Variants in IGSF11 observed in about 807,000 individuals in gnomAD.
IGSF11 encodes CXADR like 1.
A neutral mutation model predicts 41.0 loss-of-function variants in IGSF11; 22 were observed. That is an observed-to-expected ratio of 0.54 (90% CI 0.38 to 0.77). The LOEUF (loss-of-function observed/expected upper bound fraction) is 0.77. Ranked by LOEUF, IGSF11 falls within the 30% of genes least tolerant of loss-of-function variation. The probability of loss-of-function intolerance (pLI) is 0.00; values close to 1 mark genes in which losing one functional copy is unlikely to be tolerated. For missense variants in IGSF11, 444 were observed against 530.8 expected (o/e 0.84, Z 1.61); for synonymous variants, 219 against 201.3 (o/e 1.09, Z -0.74).
intron 1 of IGSF11, among the ~76,000 whole-genome samples, chr3:118,999,047 C>A (rs79873299): frequency 6.6e-6 from 1 of 151,358 alleles, no homozygotes; most frequent in South Asian, 2.1e-4. Context: ...AATGGGGGTG[C>A]ACTGGGGAAT....
chr3:119,109,887 T>C (rs1210676291), upstream of IGSF11, among the ~76,000 whole-genome samples: 1 of 152,240 alleles, frequency 6.6e-6, no homozygotes, highest in Non-Finnish European at 1.5e-5. Flanking sequence ...AGTTTCCATG[T>C]AGTTGAGCGG....
chr3:119,061,183 C>A (rs950670197), intron 1 of IGSF11, among the ~76,000 whole-genome samples: 10 of 152,066 alleles, frequency 6.6e-5, no homozygotes, highest in Admixed American at 3.3e-4. Context: ...TTACCAAAAT[C>A]CACATATTAA....
At chr3:119,093,471 A>G (rs188354204) in intron 1 of IGSF11, among the ~76,000 whole-genome samples, 220 of 151,846 alleles carry the variant, frequency 1.4e-3, no homozygotes, top group African/African-American at 5.0e-3. Context: ...GGAAAAATTT[A>G]TGTCAGTAAA....
In IGSF11 at chr3:119,034,673, G is replaced by C. The variant is rs888734251; in HGVS notation, c.-91C>G. ...CGTGAGTCTCCGCGCTCTTGGGGCA[G>C]CCTGGTCCTCCCACACCCAGCGCCG... On this transcript the variant is annotated 5_prime_UTR_variant, in exon 1 of 7. Coordinates refer to ENST00000393775, the MANE Select transcript of IGSF11 (RefSeq NM_001015887.3). 1.9e-5 allele frequency: 27 copies of C among 1,440,456 alleles called. No individual in the cohort carries two copies. In the African/African-American group the frequency reaches 3.3e-4, roughly 18 times the overall value. The allele number at this position is 1,440,456 out of a possible 1,614,324, so 89.2% of individuals were successfully genotyped here.
chr3:119,065,701 G>C (rs747078991), intron 1 of IGSF11, among the ~76,000 whole-genome samples: 1 of 149,540 alleles, frequency 6.7e-6, no homozygotes, highest in African/African-American at 2.5e-5. Context: ...GCTGAAACAG[G>C]AGAATTGCTT....
intron 1 of IGSF11, among the ~76,000 whole-genome samples, chr3:118,960,518 T>C (rs1945271551): frequency 6.6e-6 from 1 of 152,184 alleles, no homozygotes; most frequent in African/African-American, 2.4e-5. Flanking sequence ...ATAATGCAAA[T>C]ATAGCTAATA....
intron 1 of IGSF11, among the ~76,000 whole-genome samples, chr3:119,064,442 G>A (rs116407888): frequency 1.3e-3 from 199 of 150,310 alleles, no homozygotes; most frequent in African/African-American, 3.7e-3. Flanking sequence ...CACACTGTAG[G>A]TTTTTAAGTC....
chr3:118,969,764 G>A (rs6795721), intron 1 of IGSF11, among the ~76,000 whole-genome samples: 4,420 of 152,206 alleles, frequency 0.029, 230 homozygotes, highest in African/African-American at 0.1. Context: ...CCTCATGGGC[G>A]CATCTAAATT....
intron 1 of IGSF11, among the ~76,000 whole-genome samples, chr3:118,937,438 A>C (rs1477230541): frequency 6.6e-6 from 1 of 152,218 alleles, no homozygotes; most frequent in Non-Finnish European, 1.5e-5. Flanking sequence ...TATTTTAACC[A>C]AATTTTAATT....
intron 2 of IGSF11, among the ~76,000 whole-genome samples, chr3:118,929,892 T>A (rs988102625): frequency 6.6e-6 from 1 of 152,218 alleles, no homozygotes; most frequent in Non-Finnish European, 1.5e-5. Flanking sequence ...TACATAAACC[T>A]CTCAGAAGGA....
intron 1 of IGSF11, among the ~76,000 whole-genome samples, chr3:119,094,223 T>TTAAAAAAAAAAAAAAAAAAA (rs1491294473): frequency 1.4e-4 from 5 of 35,066 alleles, no homozygotes; most frequent in Non-Finnish European, 2.3e-4. Context: ...CATAGCGAAG[T>TTAAAAAAAAAAAAAAAAAAA]AAAAAAAAAA....
chr3:119,112,979 A>C (rs759472169), intron 1 of IGSF11, among the ~76,000 whole-genome samples: 3 of 152,206 alleles, frequency 2.0e-5, no homozygotes, highest in African/African-American at 4.8e-5. Flanking sequence ...ACATGGCTAG[A>C]GAAGGAGGAA....
At chr3:118,916,851 T>C (rs9759213) in intron 4 of IGSF11, among the ~76,000 whole-genome samples, 58,532 of 150,348 alleles carry the variant, frequency 0.39, 14,807 homozygotes, top group African/African-American at 0.71. Flanking sequence ...GACCACATAG[T>C]TGGAAGTAAA....
Position 118,925,763 on chromosome 3 carries a change from C to T in IGSF11, c.580+338G>A, listed in dbSNP as rs373470905. 9.0e-4 allele frequency among the ~76,000 whole-genome samples: 137 copies of T among 152,248 alleles called. 2 individuals carry two copies. In the South Asian group the frequency reaches 0.027, roughly 30 times the overall value. ...GTTTCTCCTAGTAAAATAGGCAGCT[C>T]TACCTCAAGCAGGAAGTGTATTCTC... is the stretch of plus-strand genomic sequence containing the variant. On this transcript the variant is annotated intron_variant, in intron 4 of 6. Transcript: ENST00000393775.
chr3:118,939,305 G>A (rs1268220105), intron 1 of IGSF11, among the ~76,000 whole-genome samples: 1 of 152,038 alleles, frequency 6.6e-6, no homozygotes, highest in Middle Eastern at 3.2e-3. Flanking sequence ...GCCAGGTGTG[G>A]TGGCTCAAGC....
intron 4 of IGSF11, among the ~76,000 whole-genome samples, chr3:118,922,325 T>C (rs187866612): frequency 6.6e-6 from 1 of 152,274 alleles, no homozygotes; most frequent in African/African-American, 2.4e-5. Context: ...ATATTTATGG[T>C]ATATATTTTG....
At chr3:118,928,102 C>T (rs988359941) in intron 3 of IGSF11, among the ~76,000 whole-genome samples, 2 of 152,132 alleles carry the variant, frequency 1.3e-5, no homozygotes, top group African/African-American at 4.8e-5. Flanking sequence ...TGATCCTACT[C>T]GGTGTTACAC....
chr3:118,957,236 G>A (rs566382668), intron 1 of IGSF11, among the ~76,000 whole-genome samples: 4 of 152,148 alleles, frequency 2.6e-5, no homozygotes, highest in Admixed American at 2.0e-4. Context: ...CTGACTAGAC[G>A]ATGTCTACTC....
At position 119,075,865 on chromosome 3, in the gene IGSF11, C is replaced by T. The variant is rs141780985; in HGVS notation, c.49+29279G>A. The stretch of plus-strand genomic sequence containing the variant: ...GTAATTTATAGATTCAATGCCATCC[C>T]CATCAAGCTACCAATGACTTTCTTC... On this transcript the variant is annotated intron_variant, in intron 1 of 6. Transcript: ENST00000354673. 0.015 allele frequency among the ~76,000 whole-genome samples: 2,268 copies of T among 152,238 alleles called. 86 individuals are homozygous for T. In the East Asian group the frequency reaches 0.16, roughly 10 times the overall value.
Sources: gnomAD v4.1 joint callset for allele counts (sites outside exome capture counted in the v4.1 genomes callset) on GRCh38, gnomAD v4.1.1 for gene constraint, MANE v1.5 for transcripts, NCBI Gene and HGNC (gene_info 2026-07-23, HGNC 2026-07-21) for gene names.